Variants in THSD4 observed in about 807,000 individuals in gnomAD.
THSD4 encodes thrombospondin type 1 domain containing 4, also known as thrombospondin type-1 domain-containing protein 4.
Under a neutral mutation model 119.0 loss-of-function variants are expected in THSD4, and 69 were observed. The observed-to-expected ratio is 0.58, with a 90% CI of 0.48 to 0.71. The LOEUF is 0.71. Ranked by LOEUF, THSD4 falls within the 30% of genes least tolerant of loss-of-function variation. The pLI, the probability that THSD4 is intolerant of heterozygous loss-of-function variation, is 0.00. For missense variants in THSD4, 1,393 were observed against 1,391.1 expected, an observed-to-expected ratio of 1.00 and a Z score of -0.02; for synonymous variants, 524 against 540.4, an observed-to-expected ratio of 0.97 and a Z score of 0.42.
At position 71,242,839 on chromosome 15, in the gene THSD4, C is replaced by T. The variant is rs368068532; in HGVS notation, c.655C>T (p.Pro219Ser). 1.5e-5 allele frequency: 24 copies of T among 1,614,086 alleles called. No homozygotes were observed. Among genetic ancestry groups the T allele is most frequent in the Non-Finnish European group, 1.9e-5 (22 of 1,180,046 alleles). ...HGYSSPAHQV[P>S]QHGPLYQSDS... ...CTACAGTTCACCAGCCCACCAGGTC[C>T]CCCAACATGGGCCTTTGTACCAAAG... Residue 219 changes from proline (P) to serine (S), a missense_variant, in exon 5 of 18, where the codon CCC becomes TCC. Coordinates refer to ENST00000261862, the MANE Select transcript of THSD4 (RefSeq NM_024817.3).
At chr15:71,675,605 G>A (rs1001487545) in intron 8 of THSD4, among the ~76,000 whole-genome samples, 4 of 152,140 alleles carry the variant, frequency 2.6e-5, no homozygotes, top group East Asian at 1.9e-4. Flanking sequence ...GACCTCGCTC[G>A]TGGTACTGGA....
At chr15:71,673,561 A>G (rs1254033516) in intron 8 of THSD4, among the ~76,000 whole-genome samples, 2 of 151,986 alleles carry the variant, frequency 1.3e-5, no homozygotes, top group Admixed American at 6.6e-5. Flanking sequence ...TTGCTTCTCT[A>G]GTTCTTTTAA....
intron 7 of THSD4, among the ~76,000 whole-genome samples, chr15:71,644,478 T>C (rs953641073): frequency 1.3e-5 from 2 of 152,204 alleles, no homozygotes; most frequent in African/African-American, 4.8e-5. Flanking sequence ...CAAGAATTTG[T>C]GGTTTTTCCT....
At chr15:71,391,644 T>C (rs780459582) in intron 6 of THSD4, among the ~76,000 whole-genome samples, 1 of 152,206 alleles carries the variant, frequency 6.6e-6, no homozygotes, top group Non-Finnish European at 1.5e-5. Flanking sequence ...ATTCCAGGTA[T>C]CTGAGTCTGT....
intron 6 of THSD4, among the ~76,000 whole-genome samples, chr15:71,329,957 G>A (rs764972894): frequency 6.6e-6 from 1 of 152,136 alleles, no homozygotes; most frequent in Non-Finnish European, 1.5e-5. Context: ...GCACGTGCCT[G>A]TGGTCCCAGC....
chr15:71,415,371 G>C (rs1596416361), intron 7 of THSD4, among the ~76,000 whole-genome samples: 1 of 152,290 alleles, frequency 6.6e-6, no homozygotes, highest in East Asian at 1.9e-4. Context: ...GAGCTCCTCT[G>C]TGGTTTATTT....
At chr15:71,149,132 G>T (rs1164744052) in intron 2 of THSD4, among the ~76,000 whole-genome samples, 6 of 151,712 alleles carry the variant, frequency 4.0e-5, no homozygotes, top group African/African-American at 1.5e-4. Context: ...TCCGCCTCCT[G>T]GGTTCATGCC....
intron 6 of THSD4, among the ~76,000 whole-genome samples, chr15:71,310,219 T>C (rs1402962583): frequency 6.6e-6 from 1 of 152,198 alleles, no homozygotes; most frequent in Non-Finnish European, 1.5e-5. Context: ...GACCTTATGA[T>C]TCTCTTACAC....
chr15:71,648,907 G>T (rs909052662), intron 7 of THSD4, among the ~76,000 whole-genome samples: 8 of 152,186 alleles, frequency 5.3e-5, no homozygotes, highest in African/African-American at 9.6e-5. Flanking sequence ...CAAGAGATTT[G>T]TGAATTATAC....
chr15:71,103,321 A>T (rs923563839), intron 1 of THSD4, among the ~76,000 whole-genome samples: 1 of 152,126 alleles, frequency 6.6e-6, no homozygotes, highest in African/African-American at 2.4e-5. Flanking sequence ...ACTGGGGTCT[A>T]CCTTGCAGTT....
At position 71,422,264 on chromosome 15, in the gene THSD4, T is replaced by G. The variant is rs1005125522; in HGVS notation, c.1152+10441T>G. 9.2e-5 allele frequency among the ~76,000 whole-genome samples: 14 copies of G among 152,204 alleles called. 1 individual carries two copies. Among genetic ancestry groups the G allele is most frequent in the Admixed American group, 7.2e-4 (11 of 15,280 alleles). On this transcript the variant is annotated intron_variant, in intron 7 of 17. Transcript: ENST00000261862. ...CAGAGTTAGGTATTTATTGTAGTCT[T>G]CACAGTCTGGGTTTGCTTGTACACA...
chr15:71,228,257 G>C (rs1432399677), intron 4 of THSD4, among the ~76,000 whole-genome samples: 3 of 152,092 alleles, frequency 2.0e-5, no homozygotes, highest in African/African-American at 7.2e-5. Flanking sequence ...ATAGAATAGA[G>C]AGAGACTTGA....
At chr15:71,394,023 G>T (rs956407763) in intron 6 of THSD4, among the ~76,000 whole-genome samples, 35 of 151,952 alleles carry the variant, frequency 2.3e-4, no homozygotes, top group African/African-American at 8.2e-4. Context: ...CCAGAGTACG[G>T]TTGCTTGTAA....
chr15:71,756,658 C>A (rs916365487), intron 14 of THSD4, among the ~76,000 whole-genome samples: 65 of 152,252 alleles, frequency 4.3e-4, no homozygotes, highest in African/African-American at 1.5e-3. Flanking sequence ...GTCGTGAGCA[C>A]CTGGAGCTAC....
At chr15:71,741,015 C>T (rs1164364918) in intron 11 of THSD4, among the ~76,000 whole-genome samples, 2 of 152,122 alleles carry the variant, frequency 1.3e-5, no homozygotes, top group East Asian at 3.9e-4. Context: ...AGTAGGCACT[C>T]CTGTGTTTTT....
At chr15:71,321,361 C>A (rs1404577656) in intron 6 of THSD4, among the ~76,000 whole-genome samples, 3 of 152,112 alleles carry the variant, frequency 2.0e-5, no homozygotes, top group Non-Finnish European at 4.4e-5. Context: ...CATGGTAAAA[C>A]CCTGTCTCTA....
chr15:71,682,855 ACTTTCTTTCTTTCTTTCTTT>A lies in THSD4; in HGVS notation c.1357+22157_1357+22176del, dbSNP rs58309087. On this transcript the variant is annotated intron_variant, in intron 8 of 17. Coordinates refer to ENST00000261862, the MANE Select transcript of THSD4 (RefSeq NM_024817.3). ...CATGGCAATTCTTCCCTCTTTTGCT[ACTTTCTTTCTTTCTTTCTTT>A]CTTTCTTTCTTTCTTTCTTTCTTTC... Among the ~76,000 whole-genome samples the A allele has an allele frequency of 4.6e-3, 501 of 108,910 alleles. 28 individuals are homozygous for A. The highest frequency in any genetic ancestry group is 9.1e-3 in the African/African-American group (245 of 27,066). 71.4% of individuals were successfully genotyped at this position (108,910 alleles called of 152,430 possible).
intron 8 of THSD4, among the ~76,000 whole-genome samples, chr15:71,709,310 C>A (rs2052460423): frequency 1.3e-5 from 2 of 152,036 alleles, no homozygotes; most frequent in Non-Finnish European, 2.9e-5. Flanking sequence ...TAATTAGTGA[C>A]CAAATGTAAG....
At chr15:71,135,392 C>CAAAAAAAAA (rs1170278742) in intron 1 of THSD4, among the ~76,000 whole-genome samples, 11 of 122,514 alleles carry the variant, frequency 9.0e-5, no homozygotes, top group Middle Eastern at 4.1e-3. Context: ...TACTAAATGA[C>CAAAAAAAAA]AAAAAAAAAA....
Sources: allele counts gnomAD v4.1 joint callset (sites outside exome capture counted in the v4.1 genomes callset), GRCh38; gene constraint gnomAD v4.1.1; transcripts MANE v1.5; gene names NCBI Gene and HGNC (gene_info 2026-07-23, HGNC 2026-07-21).